ACTR3C: variants seen among roughly 807,000 people sequenced by gnomAD.
The protein encoded by ACTR3C is actin-related protein 3C.
In ACTR3C, 18 loss-of-function variants were observed where a neutral mutation model predicts 26.3. The ratio of observed to expected loss-of-function variants is 0.68; its 90% CI spans 0.47 to 1.01. The LOEUF is 1.01. ACTR3C is among the 50% of genes least tolerant of loss of function. The pLI is 0.00. For synonymous variants in ACTR3C, 55 were observed against 94.5 expected (o/e 0.58, Z 2.42); for missense variants, 184 against 250.7 (o/e 0.73, Z 1.80).
the ACTR3C span, among the ~76,000 whole-genome samples, chr7:150,122,523 C>T: frequency 6.6e-6 from 1 of 152,186 alleles, no homozygotes; most frequent in Non-Finnish European, 1.5e-5. Context: ...AAATACAAAT[C>T]AAAACCACAA....
chr7:150,095,897 A>G, the ACTR3C span, among the ~76,000 whole-genome samples: 1 of 149,464 alleles, frequency 6.7e-6, no homozygotes, highest in Non-Finnish European at 1.5e-5. Context: ...CATATAAACT[A>G]CAGTCACTGA....
the ACTR3C span, among the ~76,000 whole-genome samples, chr7:150,209,519 A>T: frequency 6.6e-6 from 1 of 150,760 alleles, no homozygotes. Context: ...TAATATTTTC[A>T]TATGGTGTTA....
the ACTR3C span, among the ~76,000 whole-genome samples, chr7:150,229,862 C>T: frequency 3.3e-5 from 5 of 151,758 alleles, no homozygotes; most frequent in African/African-American, 9.7e-5. Context: ...ACTTGCTGCT[C>T]TTTCTGTTTT....
At chr7:149,952,869 A>G in the ACTR3C span, among the ~76,000 whole-genome samples, 1 of 151,502 alleles carries the variant, frequency 6.6e-6, no homozygotes, top group Non-Finnish European at 1.5e-5. Context: ...GTGAGAATAT[A>G]AACTGATATA....
At chr7:150,034,401 G>A in the ACTR3C span, among the ~76,000 whole-genome samples, 1 of 151,590 alleles carries the variant, frequency 6.6e-6, no homozygotes, top group Non-Finnish European at 1.5e-5. Flanking sequence ...CAGGGCTGGG[G>A]CTGCCAGAAG....
At chr7:150,112,688 A>G in the ACTR3C span, among the ~76,000 whole-genome samples, 1 of 152,192 alleles carries the variant, frequency 6.6e-6, no homozygotes, top group Non-Finnish European at 1.5e-5. Flanking sequence ...CACCCATCTA[A>G]GATTAAGTTC....
the ACTR3C span, among the ~76,000 whole-genome samples, chr7:150,175,432 G>A: frequency 2.4e-4 from 35 of 146,618 alleles, 2 homozygotes. Flanking sequence ...GCTTCTTCAT[G>A]ACCTCTGTCT....
chr7:150,041,551 G>T, the ACTR3C span: 3 of 209,922 alleles, frequency 1.4e-5, no homozygotes, highest in Admixed American at 6.6e-5. Flanking sequence ...CTCGCGGGGG[G>T]TGCCTCCCCC....
the ACTR3C span, among the ~76,000 whole-genome samples, chr7:149,959,539 C>A: frequency 6.6e-6 from 1 of 152,086 alleles, no homozygotes; most frequent in Non-Finnish European, 1.5e-5. Context: ...AAGGCATGTA[C>A]AGGCAGTGGA....
At chr7:150,318,266 G>A (rs1286662133) in intron 1 of ACTR3C, among the ~76,000 whole-genome samples, 1 of 152,126 alleles carries the variant, frequency 6.6e-6, no homozygotes, top group African/African-American at 2.4e-5. Context: ...CAAAAGACAC[G>A]AGGGATTTCT....
At chr7:150,114,266 T>C in the ACTR3C span, among the ~76,000 whole-genome samples, 1 of 152,196 alleles carries the variant, frequency 6.6e-6, no homozygotes, top group Non-Finnish European at 1.5e-5. Flanking sequence ...CCTACTTGCA[T>C]GCATCCTCTA....
intron 1 of ACTR3C, among the ~76,000 whole-genome samples, chr7:150,305,695 C>G (rs999401747): frequency 6.6e-6 from 1 of 152,194 alleles, no homozygotes; most frequent in Non-Finnish European, 1.5e-5. Context: ...GTTCTGAGCT[C>G]TGGGTAATGC....
At chr7:149,934,459 T>C in the ACTR3C span, among the ~76,000 whole-genome samples, 5 of 152,230 alleles carry the variant, frequency 3.3e-5, no homozygotes, top group African/African-American at 1.2e-4. Context: ...TCTAATTTTA[T>C]ATATTCAAGA....
the ACTR3C span, among the ~76,000 whole-genome samples, chr7:150,093,214 A>T: frequency 0.59 from 88,171 of 149,726 alleles, 27,241 homozygotes; most frequent in East Asian, 0.82. Context: ...AGAATTTTTT[A>T]AAAAATGTAG....
At chr7:150,214,672 A>T in the ACTR3C span, among the ~76,000 whole-genome samples, 1 of 152,202 alleles carries the variant, frequency 6.6e-6, no homozygotes, top group East Asian at 1.9e-4. Flanking sequence ...ATTCCGAAAG[A>T]TGGTGCATTT....
intron 6 of ACTR3C, among the ~76,000 whole-genome samples, chr7:150,262,345 T>C (rs1584862875): frequency 6.6e-6 from 1 of 152,410 alleles, no homozygotes; most frequent in Admixed American, 6.5e-5. Flanking sequence ...CCTTGTCAAC[T>C]TAGACATAGC....
At chr7:150,239,199 A>G (rs1832037986), downstream of ACTR3C, among the ~76,000 whole-genome samples, 1 of 151,318 alleles carries the variant, frequency 6.6e-6, no homozygotes, top group East Asian at 1.9e-4. Flanking sequence ...CATTCTGGCA[A>G]ACACTCTTTT....
chr7:149,946,199 G>A, the ACTR3C span, among the ~76,000 whole-genome samples: 4 of 152,216 alleles, frequency 2.6e-5, no homozygotes, highest in African/African-American at 4.8e-5. Flanking sequence ...CTGTGCAGCC[G>A]CTCTCAGGCC....
the ACTR3C span, among the ~76,000 whole-genome samples, chr7:150,159,048 C>A: frequency 0.017 from 2,470 of 149,350 alleles, 69 homozygotes; most frequent in African/African-American, 0.057. Context: ...AGGCACACAC[C>A]GTGGCAACAA....
Sources: gnomAD v4.1 joint callset for allele counts (sites outside exome capture counted in the v4.1 genomes callset) on GRCh38, gnomAD v4.1.1 for gene constraint, MANE v1.5 for transcripts, NCBI Gene and HGNC (gene_info 2026-07-23, HGNC 2026-07-21) for gene names.